ANKRD11: variants seen among roughly 807,000 people sequenced by gnomAD.
ANKRD11 encodes the protein ankyrin repeat domain-containing protein 11.
A neutral mutation model predicts 195.7 loss-of-function variants in ANKRD11; 17 were observed. That is an observed-to-expected ratio of 0.09 (90% confidence interval 0.06 to 0.13). The LOEUF (loss-of-function observed/expected upper bound fraction) is 0.13, where lower values mean the gene tolerates loss of function less well. Ranked by LOEUF, ANKRD11 falls within the 10% of genes least tolerant of loss-of-function variation. The probability of loss-of-function intolerance (pLI) is 1.00; values close to 1 mark genes in which losing one functional copy is unlikely to be tolerated. For synonymous variants in ANKRD11, 1,953 were observed against 1,528.1 expected (o/e 1.28, Z -6.49); for missense variants, 3,735 against 3,566.1 (o/e 1.05, Z -1.21).
In ANKRD11 at chr16:89,291,793, CA is replaced by C; in HGVS notation, c.227-611del. ...CTGGAGGCATCTGAAGGCATCAACA[CA>C]GAGCACTAACAAGACACGGTGTGAG... is the stretch of plus-strand genomic sequence containing the variant. On this transcript the variant is annotated intron_variant, in intron 4 of 12. Coordinates refer to ENST00000301030, the MANE Select transcript of ANKRD11 (RefSeq NM_013275.6). This position sits in a 1 kb window ranked among gnomAD's most constrained non-coding sequence, Gnocchi z 5.3. 1 of 1,288,852 alleles carries C rather than the reference CA, an allele frequency of 7.8e-7. No homozygotes were observed. Among genetic ancestry groups the C allele is most frequent in the South Asian group, 1.2e-5 (1 of 81,014 alleles). 79.8% of individuals were successfully genotyped at this position (1,288,852 alleles called of 1,614,324 possible).
At chr16:89,316,349 A>G (rs2036954934) in intron 3 of ANKRD11, among the ~76,000 whole-genome samples, 1 of 152,130 alleles carries the variant, frequency 6.6e-6, no homozygotes, top group Middle Eastern at 3.2e-3. Context: ...ACAGTGCAGG[A>G]CAGGAAGTCT....
At chr16:89,452,352 G>A (rs1169540271) in intron 1 of ANKRD11, among the ~76,000 whole-genome samples, 2 of 152,140 alleles carry the variant, frequency 1.3e-5, no homozygotes, top group Non-Finnish European at 2.9e-5. Context: ...CAAGCCAAGA[G>A]GGCAAGGTAG....
chr16:89,357,547 GC>G (rs2039539957), intron 2 of ANKRD11, among the ~76,000 whole-genome samples: 1 of 152,170 alleles, frequency 6.6e-6, no homozygotes, highest in Admixed American at 6.5e-5. Flanking sequence ...TGAAAGCAGG[GC>G]CCCCAAAAGA....
intron 4 of ANKRD11, among the ~76,000 whole-genome samples, chr16:89,303,736 G>A (rs1438920831): frequency 6.6e-6 from 1 of 152,184 alleles, no homozygotes; most frequent in South Asian, 2.1e-4. Flanking sequence ...GGACAGGAGG[G>A]GCCACAGGCC....
In ANKRD11 at chr16:89,323,802, C is replaced by A. The variant is rs1321014822; in HGVS notation, c.-59-6724G>T. ...CTCTCTCTCCTTCCCCTCCTCAGGGCCACACCAACTGTGGGGTTCCAGCTA... is the reference window on the plus strand; with the variant it reads ...CTCTCTCTCCTTCCCCTCCTCAGGGACACACCAACTGTGGGGTTCCAGCTA... On this transcript the variant is annotated intron_variant, in intron 2 of 12. Transcript: ENST00000301030. The A allele has an allele frequency of 3.7e-5, 9 of 245,574 alleles. No individual in the cohort carries two copies. In the South Asian group the frequency reaches 4.1e-4, roughly 11 times the overall value. The allele number at this position is 245,574 out of a possible 1,614,324, so 15.2% of individuals were successfully genotyped here. A position where few individuals can be genotyped will look rare whatever the true frequency, so the allele number is the denominator to read the frequency against.
intron 2 of ANKRD11, among the ~76,000 whole-genome samples, chr16:89,335,726 A>T (rs1181362595): frequency 1.3e-5 from 2 of 152,234 alleles, no homozygotes; most frequent in African/African-American, 4.8e-5. Context: ...AACAGCAAGG[A>T]CCAAGGCATC....
At chr16:89,410,809 G>A (rs1180868229) in intron 2 of ANKRD11, among the ~76,000 whole-genome samples, 1 of 152,206 alleles carries the variant, frequency 6.6e-6, no homozygotes, top group Non-Finnish European at 1.5e-5. Flanking sequence ...TAAGCCCATG[G>A]GAAGCTTAAC....
At chr16:89,438,497 T>C (rs2043309881) in intron 1 of ANKRD11, among the ~76,000 whole-genome samples, 1 of 152,036 alleles carries the variant, frequency 6.6e-6, no homozygotes, top group Non-Finnish European at 1.5e-5. Flanking sequence ...TTTGTGTGTG[T>C]GTGTGCGTAT....
At chr16:89,450,103 C>G (rs2044002160) in intron 1 of ANKRD11, among the ~76,000 whole-genome samples, 1 of 152,220 alleles carries the variant, frequency 6.6e-6, no homozygotes, top group Non-Finnish European at 1.5e-5. Context: ...GAATGTGTCA[C>G]ACTCTGCTCC....
chr16:89,273,609 A>G (rs2033374849), intron 11 of ANKRD11, among the ~76,000 whole-genome samples: 1 of 152,000 alleles, frequency 6.6e-6, no homozygotes, highest in South Asian at 2.1e-4. Context: ...AGGCAGGAGA[A>G]TCGCTTGAAC....
At chr16:89,384,730 C>A (rs993697564) in intron 2 of ANKRD11, among the ~76,000 whole-genome samples, 9 of 152,054 alleles carry the variant, frequency 5.9e-5, no homozygotes, top group Non-Finnish European at 2.9e-5. Context: ...ATCAGGTGGC[C>A]TTTTGGTCTT....
intron 1 of ANKRD11, among the ~76,000 whole-genome samples, chr16:89,442,435 C>T (rs1023332379): frequency 6.6e-6 from 1 of 152,142 alleles, no homozygotes; most frequent in African/African-American, 2.4e-5. Flanking sequence ...TCCATTTTGG[C>T]TCAAGCTGGA....
At chr16:89,433,954 G>A (rs2043106149) in intron 1 of ANKRD11, among the ~76,000 whole-genome samples, 1 of 152,202 alleles carries the variant, frequency 6.6e-6, no homozygotes, top group African/African-American at 2.4e-5. Context: ...CACTATAAGG[G>A]AGAAGGGGAC....
chr16:89,268,668 G>C lies in ANKRD11; in HGVS notation c.7807-5C>G. 1 of 1,582,510 alleles carries C rather than the reference G, an allele frequency of 6.3e-7. No individual in the cohort carries two copies. Among genetic ancestry groups the C allele is most frequent in the Non-Finnish European group, 8.6e-7 (1 of 1,164,790 alleles). ...CTGCCGCATGAGGAGGCAAGTCTGC[G>C]GGACACACAGCGGGGAGAGGAGGGA... On this transcript the variant is annotated splice_region_variant and splice_polypyrimidine_tract_variant and intron_variant, in intron 12 of 12. Coordinates refer to ENST00000301030, the MANE Select transcript of ANKRD11 (RefSeq NM_013275.6).
chr16:89,321,460 G>A (rs2037320755), intron 2 of ANKRD11, among the ~76,000 whole-genome samples: 1 of 150,806 alleles, frequency 6.6e-6, no homozygotes, highest in Non-Finnish European at 1.5e-5. Context: ...CGGGAGCTGC[G>A]GGGCGGGGAC....
intron 2 of ANKRD11, among the ~76,000 whole-genome samples, chr16:89,354,635 ACTTTGGGAGG>A (rs1489655805): frequency 1.3e-5 from 2 of 152,186 alleles, no homozygotes; most frequent in African/African-American, 4.8e-5. Context: ...TAATCCCAGC[ACTTTGGGAGG>A]CCGAGGCAGG....
At chr16:89,450,983 G>A (rs1431687606) in intron 1 of ANKRD11, among the ~76,000 whole-genome samples, 1 of 152,132 alleles carries the variant, frequency 6.6e-6, no homozygotes, top group South Asian at 2.1e-4. Context: ...GAGGTGATCG[G>A]GGTGATCAGA....
chr16:89,449,201 A>G (rs1038549845), intron 1 of ANKRD11, among the ~76,000 whole-genome samples: 10 of 151,986 alleles, frequency 6.6e-5, no homozygotes, highest in South Asian at 4.2e-4. Context: ...AAAAAAAAAA[A>G]AAAGAAAAAT....
At chr16:89,274,718 A>C (rs1444021787) in intron 11 of ANKRD11, 96 bp downstream of exon 11, 6 of 1,560,818 alleles carry the variant, frequency 3.8e-6, no homozygotes, top group Non-Finnish European at 5.2e-6. Context: ...GCACCCGGGA[A>C]GCTCCTGGTC....
Sources: allele counts gnomAD v4.1 joint callset (sites outside exome capture counted in the v4.1 genomes callset), GRCh38; gene constraint gnomAD v4.1.1; non-coding constraint Gnocchi (gnomAD v3.1); transcripts MANE v1.5; gene names NCBI Gene and HGNC (gene_info 2026-07-23, HGNC 2026-07-21).